Variants in ROBO1 observed in about 807,000 individuals in gnomAD.
ROBO1 encodes the protein roundabout guidance receptor 1, also known as roundabout homolog 1.
In ROBO1, 149 loss-of-function variants were observed where a neutral mutation model predicts 195.9. The ratio of observed to expected loss-of-function variants is 0.76; its 90% confidence interval spans 0.67 to 0.87. ROBO1 has a LOEUF of 0.87. ROBO1 is among the 40% of genes least tolerant of loss of function. ROBO1 has a pLI of 0.00. For synonymous variants in ROBO1, 816 were observed against 733.2 expected (o/e 1.11, Z -1.82); for missense variants, 1,933 against 2,068.3 (o/e 0.93, Z 1.27).
At chr3:79,225,721 C>G (rs1054733872) in intron 2 of ROBO1, among the ~76,000 whole-genome samples, 1 of 152,114 alleles carries the variant, frequency 6.6e-6, no homozygotes, top group Non-Finnish European at 1.5e-5. Flanking sequence ...GAAAACAAAA[C>G]CAAACAAATA....
At position 79,715,890 on chromosome 3, in the gene ROBO1, A is replaced by G. The variant is rs184088394; in HGVS notation, c.-51+51862T>C. Among the ~76,000 whole-genome samples the G allele has an allele frequency of 2.6e-4, 40 of 152,236 alleles. No homozygotes were observed. The East Asian group carries it at 7.2e-3, about 27-fold the overall frequency. On this transcript the variant is annotated intron_variant, in intron 1 of 30. Transcript: ENST00000464233. ...CTTCTATAGGTATTAACATATAGGT[A>G]TATTTGGATGTATAAATTCCCAATT...
chr3:79,614,005 T>A (rs974431329), intron 1 of ROBO1, among the ~76,000 whole-genome samples: 9 of 152,016 alleles, frequency 5.9e-5, no homozygotes, highest in African/African-American at 2.2e-4. Flanking sequence ...AACAGAGATT[T>A]AAAATGCATA....
intron 2 of ROBO1, among the ~76,000 whole-genome samples, chr3:79,388,479 T>A (rs1197245253): frequency 6.6e-6 from 1 of 151,858 alleles, no homozygotes; most frequent in East Asian, 1.9e-4. Context: ...AATAAAATAA[T>A]TCTGTGGTAT....
At chr3:78,835,069 GA>G (rs1301616392) in intron 4 of ROBO1, among the ~76,000 whole-genome samples, 3 of 152,248 alleles carry the variant, frequency 2.0e-5, no homozygotes, top group African/African-American at 7.2e-5. Flanking sequence ...GGGAAGCCAA[GA>G]GATGAATCAA....
At chr3:79,261,569 G>C (rs956329075) in intron 2 of ROBO1, among the ~76,000 whole-genome samples, 7 of 151,698 alleles carry the variant, frequency 4.6e-5, no homozygotes, top group Non-Finnish European at 7.4e-5. Flanking sequence ...CATTTTTAAG[G>C]CTATCTTCTT....
intron 2 of ROBO1, among the ~76,000 whole-genome samples, chr3:79,180,076 T>G: frequency 6.6e-6 from 1 of 152,200 alleles, no homozygotes; most frequent in East Asian, 1.9e-4. Context: ...GAGTCGTGAC[T>G]TCTAGTAACC....
At chr3:79,062,767 G>A (rs977646898) in intron 3 of ROBO1, among the ~76,000 whole-genome samples, 1 of 152,004 alleles carries the variant, frequency 6.6e-6, no homozygotes. Context: ...TCACTCACAA[G>A]TGGGAATTGA....
chr3:78,709,657 G>A (rs538349474), intron 8 of ROBO1, among the ~76,000 whole-genome samples: 41 of 152,270 alleles, frequency 2.7e-4, no homozygotes, highest in African/African-American at 7.0e-4. Context: ...TTAACAGGGT[G>A]CAACCTCATA....
intron 1 of ROBO1, among the ~76,000 whole-genome samples, chr3:79,618,933 A>T (rs534491108): frequency 4.6e-5 from 7 of 152,274 alleles, no homozygotes; most frequent in African/African-American, 1.7e-4. Context: ...TTATCCGTGG[A>T]CCCAAAACTC....
At chr3:79,533,612 TA>T (rs1290375912) in intron 2 of ROBO1, among the ~76,000 whole-genome samples, 1 of 152,162 alleles carries the variant, frequency 6.6e-6, no homozygotes, top group Non-Finnish European at 1.5e-5. Context: ...TTCTGCCCTT[TA>T]AGTGCATAAA....
chr3:79,039,967 G>C (rs1428964044), intron 3 of ROBO1, among the ~76,000 whole-genome samples: 2 of 152,038 alleles, frequency 1.3e-5, no homozygotes. Context: ...TAAATTATCT[G>C]ATATATGGTA....
At chr3:79,265,464 A>C (rs922067206) in intron 2 of ROBO1, among the ~76,000 whole-genome samples, 8 of 151,650 alleles carry the variant, frequency 5.3e-5, no homozygotes, top group Admixed American at 3.3e-4. Context: ...TGCAGGCAGA[A>C]GCCTGCACTA....
intron 1 of ROBO1, among the ~76,000 whole-genome samples, chr3:79,730,968 G>A (rs1213496927): frequency 6.6e-6 from 1 of 151,672 alleles, no homozygotes; most frequent in Non-Finnish European, 1.5e-5. Flanking sequence ...TAGTAGAGAC[G>A]GGGTTTCACT....
At chr3:78,933,494 A>G (rs2039643883) in intron 4 of ROBO1, among the ~76,000 whole-genome samples, 2 of 152,140 alleles carry the variant, frequency 1.3e-5, no homozygotes, top group Admixed American at 1.3e-4. Context: ...TACCTCACTT[A>G]TGAAACAATT....
At chr3:79,296,411 A>G (rs895579694) in intron 2 of ROBO1, among the ~76,000 whole-genome samples, 3 of 152,184 alleles carry the variant, frequency 2.0e-5, no homozygotes, top group African/African-American at 7.2e-5. Context: ...ATAATATTCT[A>G]TGTGTAGACT....
At chr3:79,516,705 T>C (rs1055038188) in intron 2 of ROBO1, among the ~76,000 whole-genome samples, 1 of 152,206 alleles carries the variant, frequency 6.6e-6, no homozygotes, top group African/African-American at 2.4e-5. Flanking sequence ...TATTTAATTG[T>C]ATGTGTATCA....
At chr3:79,568,003 T>C (rs1943146046) in intron 2 of ROBO1, among the ~76,000 whole-genome samples, 1 of 152,166 alleles carries the variant, frequency 6.6e-6, no homozygotes, top group Non-Finnish European at 1.5e-5. Context: ...TGACTTCTTC[T>C]ACGGCTAATG....
At chr3:78,785,911 G>A (rs972125906) in intron 4 of ROBO1, among the ~76,000 whole-genome samples, 15 of 152,110 alleles carry the variant, frequency 9.9e-5, no homozygotes, top group South Asian at 2.1e-4. Context: ...AGTCCAAAGA[G>A]GGCTGTTGTA....
intron 2 of ROBO1, among the ~76,000 whole-genome samples, chr3:79,352,476 GGAC>G: frequency 6.6e-6 from 1 of 152,174 alleles, no homozygotes; most frequent in East Asian, 1.9e-4. Context: ...ACTAGACTAC[GGAC>G]GTTAATCAGA....
Sources: allele counts gnomAD v4.1 joint callset (sites outside exome capture counted in the v4.1 genomes callset), GRCh38; gene constraint gnomAD v4.1.1; transcripts MANE v1.5; gene names NCBI Gene and HGNC (gene_info 2026-07-23, HGNC 2026-07-21).